RASGEF1B: variants seen among roughly 807,000 people sequenced by gnomAD.
RASGEF1B encodes the protein ras-GEF domain-containing family member 1B.
Under a neutral mutation model 65.7 loss-of-function variants are expected in RASGEF1B, and 30 were observed. The ratio of observed to expected loss-of-function variants is 0.46; its 90% CI spans 0.34 to 0.62. RASGEF1B has a LOEUF of 0.62. RASGEF1B is among the 20% of genes least tolerant of loss of function. RASGEF1B has a pLI of 0.01. For missense variants in RASGEF1B, 495 were observed against 580.1 expected (o/e 0.85, Z 1.51); for synonymous variants, 175 against 194.8 (o/e 0.90, Z 0.85).
At position 81,459,521 on chromosome 4, in the gene RASGEF1B, GGAATAAAAAA is replaced by G. The variant is rs1560709784; in HGVS notation, c.-6-17_-6-8del. The G allele has an allele frequency of 6.5e-7, 1 of 1,545,548 alleles. No homozygotes were observed. Among genetic ancestry groups the G allele is most frequent in the East Asian group, 2.3e-5 (1 of 43,488 alleles). ...GAGTCTGAGGCATACTTTCCTAAAA[GGAATAAAAAA>G]GAAGAAAAAATAATGTCAGCAATAT... On this transcript the variant is annotated splice_region_variant and splice_polypyrimidine_tract_variant and intron_variant, in intron 1 of 13. Coordinates refer to ENST00000264400, the MANE Select transcript of RASGEF1B (RefSeq NM_152545.3).
At chr4:81,447,395 T>A (rs1387046793) in intron 6 of RASGEF1B, 109 bp downstream of exon 6, 1 of 832,172 alleles carries the variant, frequency 1.2e-6, no homozygotes, top group Non-Finnish European at 1.9e-6. Flanking sequence ...ATTCTGATTT[T>A]AAAATCTACA....
At chr4:81,458,624 T>C (rs986981181) in intron 2 of RASGEF1B, among the ~76,000 whole-genome samples, 2 of 152,140 alleles carry the variant, frequency 1.3e-5, no homozygotes, top group Non-Finnish European at 1.5e-5. Flanking sequence ...TAAGCTCAAT[T>C]CCATAGAGGT....
chr4:81,432,272 T>C (rs764743917), intron 13 of RASGEF1B, 27 bp downstream of exon 13: 2 of 1,493,384 alleles, frequency 1.3e-6, no homozygotes, highest in Non-Finnish European at 1.9e-6. Context: ...TTCAGACTTG[T>C]GCAGCAATGA....
chr4:81,447,257 C>G lies in RASGEF1B; in HGVS notation c.729+247G>C, dbSNP rs538106770. 3.2e-4 allele frequency among the ~76,000 whole-genome samples: 49 copies of G among 152,078 alleles called. 1 individual carries two copies. The highest frequency in any genetic ancestry group is 5.9e-5 in the Non-Finnish European group (4 of 68,006). On this transcript the variant is annotated intron_variant, in intron 6 of 13. Transcript: ENST00000264400. ...GCCTGCATCTACTTGCTGTAAAGGT[C>G]TTACTAAATTTCCCAATAAGGAGGA...
chr4:81,453,592 G>C (rs1263062669), intron 4 of RASGEF1B: 1 of 152,182 alleles, frequency 6.6e-6, no homozygotes, highest in East Asian at 1.9e-4. Flanking sequence ...TACAGAGAGA[G>C]GGCCAGCTAT....
At chr4:81,449,508 A>C (rs1177928633) in intron 4 of RASGEF1B, among the ~76,000 whole-genome samples, 2 of 152,200 alleles carry the variant, frequency 1.3e-5, no homozygotes, top group Admixed American at 1.3e-4. Flanking sequence ...AAAATTTCCA[A>C]AATAATATTC....
chr4:81,436,060 G>A (rs1229380949), intron 10 of RASGEF1B, among the ~76,000 whole-genome samples: 1 of 152,052 alleles, frequency 6.6e-6, no homozygotes, highest in Non-Finnish European at 1.5e-5. Context: ...CAGATTACAG[G>A]CATGAGCCAC....
chr4:81,460,763 A>G (rs1402882103), intron 1 of RASGEF1B, among the ~76,000 whole-genome samples: 2 of 152,342 alleles, frequency 1.3e-5, no homozygotes, highest in East Asian at 3.9e-4. Context: ...TAGATAAAAG[A>G]AGCATCAAGA....
Position 81,447,553 on chromosome 4 carries a change from T to C in RASGEF1B, c.680A>G (p.Glu227Gly), listed in dbSNP as rs897476516. ...ELERLNYIGP[E>G]EFVQAFVQKD... is the part of the protein sequence containing the mutation. ...CTGCACGAACGCCTGAACAAATTCTTCTGGCCCAATATAATTGAGCCTCTC... is the reference window on the plus strand; with the variant it reads ...CTGCACGAACGCCTGAACAAATTCTCCTGGCCCAATATAATTGAGCCTCTC... Residue 227 changes from glutamate to glycine, a missense_variant, in exon 6 of 14, where the codon GAA (glutamate) becomes GGA (glycine). Coordinates refer to ENST00000264400, the MANE Select transcript of RASGEF1B (RefSeq NM_152545.3). The C allele has an allele frequency of 6.2e-7, 1 of 1,614,050 alleles. No homozygotes were observed. The highest frequency in any genetic ancestry group is 8.5e-7 in the Non-Finnish European group (1 of 1,179,954).
chr4:81,458,648 G>A (rs1348212070), intron 2 of RASGEF1B, among the ~76,000 whole-genome samples: 1 of 152,182 alleles, frequency 6.6e-6, no homozygotes, highest in Non-Finnish European at 1.5e-5. Context: ...TGCAGCACAG[G>A]GAAGGGGGAA....
At chr4:81,466,467 A>G (rs550810306) in intron 1 of RASGEF1B, among the ~76,000 whole-genome samples, 27 of 152,170 alleles carry the variant, frequency 1.8e-4, no homozygotes, top group Non-Finnish European at 3.2e-4. Context: ...TAAATTTGAA[A>G]ACGTCAAGAT....
intron 1 of RASGEF1B, among the ~76,000 whole-genome samples, chr4:81,467,914 C>T (rs1054533921): frequency 3.3e-5 from 5 of 152,172 alleles, no homozygotes; most frequent in African/African-American, 1.2e-4. Flanking sequence ...TTCTGGGATA[C>T]TGAAAATGTT....
In RASGEF1B at chr4:81,433,821, T is replaced by G; in HGVS notation, c.1324+19A>C. The G allele has an allele frequency of 6.2e-7, 1 of 1,611,582 alleles. No individual in the cohort carries two copies. The highest frequency in any genetic ancestry group is 1.7e-5 in the Admixed American group (1 of 59,644). On this transcript the variant is annotated intron_variant, in intron 12 of 13. Transcript: ENST00000264400. ...AGGATTTGGGGATGCTAGTGGTAGC[T>G]CCTATTGAATGGCCTTACCATCTTC...
chr4:81,445,084 T>C (rs191621825), intron 8 of RASGEF1B, among the ~76,000 whole-genome samples: 25 of 152,344 alleles, frequency 1.6e-4, no homozygotes, highest in Admixed American at 2.6e-4. Flanking sequence ...TGAGTTTGTA[T>C]ACTAGAGTAA....
intron 1 of RASGEF1B, among the ~76,000 whole-genome samples, chr4:81,470,734 G>A (rs1311182469): frequency 1.3e-5 from 2 of 152,130 alleles, no homozygotes; most frequent in African/African-American, 4.8e-5. Flanking sequence ...TCTACATTCC[G>A]AAGAGAAAAT....
intron 4 of RASGEF1B, among the ~76,000 whole-genome samples, chr4:81,449,748 GT>G (rs1722181819): frequency 6.6e-6 from 1 of 152,122 alleles, no homozygotes; most frequent in African/African-American, 2.4e-5. Flanking sequence ...AAGACCCATA[GT>G]TTTTTTATAG....
chr4:81,428,508 T>G (rs952607774), intron 13 of RASGEF1B, among the ~76,000 whole-genome samples: 10 of 152,236 alleles, frequency 6.6e-5, no homozygotes, highest in African/African-American at 2.4e-4. Context: ...GTATAACAAC[T>G]ATGTATATAG....
rs1435566104 is a variant in RASGEF1B at position 81,433,826 on chromosome 4, T to C, written c.1324+14A>G. 6.8e-6 allele frequency: 11 copies of C among 1,612,236 alleles called. No individual in the cohort carries two copies. Among genetic ancestry groups the C allele is most frequent in the Middle Eastern group, 1.7e-4 (1 of 6,052 alleles). On this transcript the variant is annotated intron_variant, in intron 12 of 13. Transcript: ENST00000264400. ...TTGGGGATGCTAGTGGTAGCTCCTA[T>C]TGAATGGCCTTACCATCTTCACTGA...
chr4:81,470,269 G>A (rs184220686), intron 1 of RASGEF1B, among the ~76,000 whole-genome samples: 3 of 151,990 alleles, frequency 2.0e-5, no homozygotes, highest in East Asian at 1.9e-4. Flanking sequence ...AAATCTCATG[G>A]GACCAGTTAT....
Sources: gnomAD v4.1 joint callset for allele counts (sites outside exome capture counted in the v4.1 genomes callset) on GRCh38, gnomAD v4.1.1 for gene constraint, MANE v1.5 for transcripts, NCBI Gene and HGNC (gene_info 2026-07-23, HGNC 2026-07-21) for gene names.